The following UBE4B variants were observed in gnomAD, a reference collection of about 807,000 sequenced individuals.
The protein encoded by UBE4B is ubiquitin conjugation factor E4 B.
In UBE4B, 27 loss-of-function variants were observed where a neutral mutation model predicts 148.1. The ratio of observed to expected loss-of-function variants is 0.18; its 90% CI spans 0.13 to 0.25. UBE4B has a LOEUF of 0.25. UBE4B is among the 10% of genes least tolerant of loss of function. The pLI, the probability that UBE4B is intolerant of heterozygous loss-of-function variation, is 1.00. For synonymous variants in UBE4B, 596 were observed against 619.3 expected, an observed-to-expected ratio of 0.96 and a Z score of 0.56; for missense variants, 1,170 against 1,662.4, an observed-to-expected ratio of 0.70 and a Z score of 5.15.
chr1:10,133,843 A>T (rs1438384589), intron 15 of UBE4B, among the ~76,000 whole-genome samples: 1 of 152,104 alleles, frequency 6.6e-6, no homozygotes, highest in Non-Finnish European at 1.5e-5. Flanking sequence ...TGAGCCAGGG[A>T]GGTCGAGACC....
intron 2 of UBE4B, among the ~76,000 whole-genome samples, chr1:10,086,977 G>C (rs536023757): frequency 1.3e-5 from 2 of 152,112 alleles, no homozygotes; most frequent in African/African-American, 4.8e-5. Flanking sequence ...TGGCCTCCCC[G>C]TCTCTTTTTT....
At chr1:10,098,984 T>C (rs1235071040) in intron 3 of UBE4B, among the ~76,000 whole-genome samples, 3 of 152,166 alleles carry the variant, frequency 2.0e-5, no homozygotes, top group Non-Finnish European at 2.9e-5. Context: ...ACACCTGTAA[T>C]CCCAGCACTT....
intron 5 of UBE4B, among the ~76,000 whole-genome samples, chr1:10,104,565 A>G (rs531541129): frequency 2.0e-5 from 3 of 151,700 alleles, no homozygotes; most frequent in South Asian, 2.1e-4. Context: ...CTGAGGAGGG[A>G]AAAAAAAAGT....
chr1:10,107,512 G>A, intron 7 of UBE4B: 1 of 874,826 alleles, frequency 1.1e-6, no homozygotes, highest in Non-Finnish European at 1.5e-6. Context: ...ATATTGATGT[G>A]TTCAGACCTT....
At chr1:10,144,872 G>A in intron 17 of UBE4B, 68 bp from the exon 18 acceptor site, 1 of 1,170,736 alleles carries the variant, frequency 8.5e-7, no homozygotes, top group East Asian at 2.5e-5. Context: ...TCAGTGAAAT[G>A]AGCAAGATGA....
intron 2 of UBE4B, among the ~76,000 whole-genome samples, chr1:10,074,345 C>CA (rs1553139711): frequency 4.8e-5 from 7 of 146,672 alleles, no homozygotes; most frequent in African/African-American, 1.8e-4. Context: ...CTCATATGGC[C>CA]TTTTTTTTTT....
intron 3 of UBE4B, chr1:10,100,834 G>A (rs565446952): frequency 1.5e-5 from 5 of 333,850 alleles, no homozygotes; most frequent in East Asian, 7.3e-5. Flanking sequence ...GATTACAGGC[G>A]TGAGCCACTG....
intron 2 of UBE4B, 123 bp from the exon 3 acceptor site, chr1:10,095,338 A>G (rs1177129062): frequency 4.4e-6 from 5 of 1,136,222 alleles, no homozygotes; most frequent in Non-Finnish European, 6.2e-6. Context: ...TCTGATAGAA[A>G]TTCCTCGGTT....
At chr1:10,038,930 C>T (rs978301676) in intron 1 of UBE4B, among the ~76,000 whole-genome samples, 4 of 151,908 alleles carry the variant, frequency 2.6e-5, no homozygotes, top group African/African-American at 4.8e-5. Flanking sequence ...TGTGATGGTA[C>T]GCACCTGTAA....
intron 20 of UBE4B, among the ~76,000 whole-genome samples, chr1:10,150,591 A>G (rs193188298): frequency 1.1e-4 from 17 of 151,784 alleles, no homozygotes; most frequent in African/African-American, 3.4e-4. Flanking sequence ...GCTGGGTGCA[A>G]TGGCTCATGC....
At chr1:10,172,238 C>T (rs1646350029) in intron 25 of UBE4B, among the ~76,000 whole-genome samples, 1 of 152,208 alleles carries the variant, frequency 6.6e-6, no homozygotes, top group South Asian at 2.1e-4. Flanking sequence ...CTAGTCATCC[C>T]ATAAAGGGCT....
chr1:10,038,231 G>GATC (rs1190762867), intron 1 of UBE4B, among the ~76,000 whole-genome samples: 1 of 142,090 alleles, frequency 7.0e-6, no homozygotes, highest in African/African-American at 2.6e-5. Context: ...AGTGGGCCGA[G>GATC]ATCACACCAC....
chr1:10,094,582 C>T (rs1367617729), intron 2 of UBE4B, among the ~76,000 whole-genome samples: 6 of 151,374 alleles, frequency 4.0e-5, no homozygotes, highest in Non-Finnish European at 8.8e-5. Flanking sequence ...TACAGGCGCC[C>T]GCCACCACGC....
intron 1 of UBE4B, among the ~76,000 whole-genome samples, chr1:10,040,614 CTTTTTTCTTTTT>C (rs1557503600): frequency 6.7e-6 from 1 of 149,310 alleles, no homozygotes; most frequent in African/African-American, 2.5e-5. Flanking sequence ...TTTCTTTCTT[CTTTTTTCTTTTT>C]TTTTTTTTGA....
chr1:10,090,532 G>A (rs1381259338), intron 2 of UBE4B, among the ~76,000 whole-genome samples: 1 of 152,174 alleles, frequency 6.6e-6, no homozygotes, highest in Non-Finnish European at 1.5e-5. Context: ...GAGGGAAGAT[G>A]GTTGGCCATT....
At chr1:10,138,497 G>T (rs2101961194) in intron 17 of UBE4B, among the ~76,000 whole-genome samples, 1 of 152,254 alleles carries the variant, frequency 6.6e-6, no homozygotes, top group South Asian at 2.1e-4. Flanking sequence ...GCCTCCCAAA[G>T]TGCTGAGATT....
At chr1:10,096,919 GTACCAGC>G (rs762683253) in intron 3 of UBE4B, among the ~76,000 whole-genome samples, 3 of 149,834 alleles carry the variant, frequency 2.0e-5, no homozygotes, top group Non-Finnish European at 4.5e-5. Flanking sequence ...CATGCCTGTA[GTACCAGC>G]TACTTGGGAG....
chr1:10,051,854 T>C (rs1320219848), intron 1 of UBE4B, among the ~76,000 whole-genome samples: 1 of 152,216 alleles, frequency 6.6e-6, no homozygotes, highest in Non-Finnish European at 1.5e-5. Flanking sequence ...ATCTCTGAAT[T>C]GGATGTCATT....
intron 1 of UBE4B, among the ~76,000 whole-genome samples, chr1:10,063,920 AAAAAG>A (rs1644335817): frequency 6.6e-6 from 1 of 152,082 alleles, no homozygotes; most frequent in Non-Finnish European, 1.5e-5. Context: ...GAAAAAAAAA[AAAAAG>A]AAAAGTACAT....
Sources: allele counts gnomAD v4.1 joint callset (sites outside exome capture counted in the v4.1 genomes callset), GRCh38; gene constraint gnomAD v4.1.1; transcripts MANE v1.5; gene names NCBI Gene and HGNC (gene_info 2026-07-23, HGNC 2026-07-21).